The following MYO1B variants were observed in gnomAD, a reference collection of about 807,000 sequenced individuals.
MYO1B encodes the protein myosin IB.
MYO1B carries 72 observed loss-of-function variants against 159.7 expected under a neutral mutation model. That is an observed-to-expected ratio of 0.45 (90% CI 0.37 to 0.55). MYO1B has a LOEUF of 0.55. MYO1B is among the 20% of genes least tolerant of loss of function. The pLI, the probability that MYO1B is intolerant of heterozygous loss-of-function variation, is 0.00. For synonymous variants in MYO1B, 468 were observed against 473.8 expected, an observed-to-expected ratio of 0.99 and a Z score of 0.16; for missense variants, 1,062 against 1,364.8, an observed-to-expected ratio of 0.78 and a Z score of 3.50.
chr2:191,371,289 A>G (rs1694347877), intron 13 of MYO1B, among the ~76,000 whole-genome samples: 1 of 152,166 alleles, frequency 6.6e-6, no homozygotes, highest in African/African-American at 2.4e-5. Context: ...GGGTCACAGA[A>G]TCTCAGAAAA....
chr2:191,387,190 G>A (rs763023893), intron 16 of MYO1B, 34 bp from the exon 17 acceptor site: 12 of 1,582,998 alleles, frequency 7.6e-6, no homozygotes, highest in South Asian at 1.1e-5. Context: ...AGCATGCAAT[G>A]TGCCTGTCAT....
chr2:191,330,872 T>C (rs982093743), intron 4 of MYO1B, among the ~76,000 whole-genome samples: 1 of 152,232 alleles, frequency 6.6e-6, no homozygotes, highest in Non-Finnish European at 1.5e-5. Flanking sequence ...TTTAAATGTT[T>C]CTATTCTACA....
At chr2:191,302,441 G>A (rs1689392811) in intron 3 of MYO1B, among the ~76,000 whole-genome samples, 1 of 152,144 alleles carries the variant, frequency 6.6e-6, no homozygotes, top group Non-Finnish European at 1.5e-5. Context: ...GTACTTGATA[G>A]GATACTTGTG....
chr2:191,301,413 A>T lies in MYO1B; in HGVS notation c.251+5187A>T, dbSNP rs190692662. Among the ~76,000 whole-genome samples, 5 of 123,030 alleles carry T rather than the reference A, an allele frequency of 4.1e-5. No individual in the cohort carries two copies. The Admixed American group carries it at 4.3e-4, about 11-fold the overall frequency. 80.7% of individuals were successfully genotyped at this position (123,030 alleles called of 152,430 possible). ...TTGAGCATCCCTAATCTGAAAATCC[A>T]AAATCTTAAATGATCCAAATCAGAA... is the stretch of plus-strand genomic sequence containing the variant. On this transcript the variant is annotated intron_variant, in intron 3 of 30. Coordinates refer to ENST00000392318, the MANE Select transcript of MYO1B (RefSeq NM_001130158.3).
At chr2:191,305,872 G>A (rs542834472) in intron 3 of MYO1B, among the ~76,000 whole-genome samples, 2 of 152,080 alleles carry the variant, frequency 1.3e-5, no homozygotes, top group Admixed American at 6.5e-5. Flanking sequence ...TGAGTTTGCC[G>A]CATGGATAAA....
rs1559220172 is a variant in MYO1B, at chr2:191,383,500, A to ATATG, written c.1353+161_1353+162insGTAT. Among the ~76,000 whole-genome samples, 8 of 116,716 alleles carry ATATG rather than the reference A, an allele frequency of 6.9e-5. 2 individuals are homozygous for ATATG. The highest frequency in any genetic ancestry group is 3.0e-4 in the African/African-American group (8 of 26,630). 76.6% of individuals were successfully genotyped at this position (116,716 alleles called of 152,430 possible). On this transcript the variant is annotated intron_variant, in intron 15 of 30. Coordinates refer to ENST00000392318, the MANE Select transcript of MYO1B (RefSeq NM_001130158.3). Reference sequence around the variant, plus strand: ...CACACACACATATATATGTGTATATATATATATATACACGTACACACACAC... The same window carrying ATATG: ...CACACACACATATATATGTGTATATATATGTATATATATACACGTACACACACAC...
intron 13 of MYO1B, chr2:191,379,289 T>A (rs1054329651): frequency 1.3e-5 from 2 of 152,686 alleles, no homozygotes; most frequent in African/African-American, 4.8e-5. Flanking sequence ...ATGACCTGTT[T>A]GCAGTGCTGG....
At chr2:191,411,739 G>T (rs182494795) in intron 27 of MYO1B, among the ~76,000 whole-genome samples, 1 of 152,218 alleles carries the variant, frequency 6.6e-6, no homozygotes, top group East Asian at 1.9e-4. Context: ...AGACACCGTG[G>T]ACTCAGAAAA....
At chr2:191,421,222 A>G (rs1364424737) in intron 30 of MYO1B, among the ~76,000 whole-genome samples, 1 of 151,966 alleles carries the variant, frequency 6.6e-6, no homozygotes, top group East Asian at 1.9e-4. Flanking sequence ...GGCATGCACC[A>G]CCACGCCCTG....
intron 27 of MYO1B, among the ~76,000 whole-genome samples, chr2:191,413,172 T>C (rs1441417799): frequency 1.3e-5 from 2 of 152,218 alleles, no homozygotes; most frequent in Admixed American, 6.5e-5. Context: ...AGTCAATTTT[T>C]ATGAAGTTGT....
chr2:191,312,191 A>G (rs12386238), intron 3 of MYO1B, among the ~76,000 whole-genome samples: 5,335 of 152,332 alleles, frequency 0.035, 305 homozygotes, highest in African/African-American at 0.12. Context: ...GGCTGTGAAA[A>G]TAGAGAAATT....
chr2:191,392,429 A>G (rs559960446), intron 19 of MYO1B, among the ~76,000 whole-genome samples: 1 of 152,314 alleles, frequency 6.6e-6, no homozygotes, highest in South Asian at 2.1e-4. Flanking sequence ...GACAGATTGT[A>G]CAACACTTAA....
At chr2:191,283,431 G>A (rs1022040627) in intron 2 of MYO1B, among the ~76,000 whole-genome samples, 1 of 152,214 alleles carries the variant, frequency 6.6e-6, no homozygotes. Context: ...CACTTAGTGA[G>A]ACCTGGGACA....
intron 7 of MYO1B, among the ~76,000 whole-genome samples, chr2:191,353,597 T>C (rs899587874): frequency 7.9e-5 from 12 of 152,196 alleles, no homozygotes; most frequent in Non-Finnish European, 1.8e-4. Flanking sequence ...ACGGGCAGGC[T>C]CTTTTTTCCT....
chr2:191,423,107 CAT>C (rs1242464477), intron 30 of MYO1B, among the ~76,000 whole-genome samples: 2 of 152,124 alleles, frequency 1.3e-5, no homozygotes, highest in African/African-American at 2.4e-5. Context: ...GGAATACAGT[CAT>C]GTGTCATTTA....
intron 7 of MYO1B, among the ~76,000 whole-genome samples, chr2:191,357,603 T>C (rs1693385682): frequency 6.6e-6 from 1 of 152,244 alleles, no homozygotes; most frequent in Non-Finnish European, 1.5e-5. Context: ...AACTCTTCTT[T>C]ACTAAGTCTT....
At chr2:191,272,365 A>T (rs1254743220) in intron 1 of MYO1B, among the ~76,000 whole-genome samples, 1 of 152,210 alleles carries the variant, frequency 6.6e-6, no homozygotes, top group Non-Finnish European at 1.5e-5. Flanking sequence ...TGAAACTAGA[A>T]CATGGTCTGA....
rs768956007 is a variant in MYO1B at position 191,387,334 on chromosome 2, C to T, written c.1665C>T (p.Pro555=). ...ATGCCCTCATCAAGTCTTTGTTCCC[C>T]GAAGGGAATCCCGCCAAGATCAACC... ...ASHALIKSLF[P]EGNPAKINLK... Residue 555 remains proline, a synonymous_variant, in exon 17 of 31, where the codon CCC becomes CCT. Transcript: ENST00000392318. The T allele has an allele frequency of 1.7e-5, 27 of 1,613,960 alleles. No individual in the cohort carries two copies. Among genetic ancestry groups the T allele is most frequent in the African/African-American group, 8.0e-5 (6 of 74,868 alleles).
chr2:191,400,882 A>T (rs762246615), intron 23 of MYO1B, 47 bp downstream of exon 23: 6 of 1,570,272 alleles, frequency 3.8e-6, no homozygotes, highest in Non-Finnish European at 5.3e-6. Context: ...ATTCTGCAAT[A>T]ATCAGTCCTT....
Sources: gnomAD v4.1 joint callset for allele counts (sites outside exome capture counted in the v4.1 genomes callset) on GRCh38, gnomAD v4.1.1 for gene constraint, MANE v1.5 for transcripts, NCBI Gene and HGNC (gene_info 2026-07-23, HGNC 2026-07-21) for gene names.